The following TLN2 variants were observed in gnomAD, a reference collection of about 807,000 sequenced individuals.
The protein encoded by TLN2 is talin-2.
In TLN2, 118 loss-of-function variants were observed where a neutral mutation model predicts 294.7. The observed-to-expected ratio is 0.40, with a 90% confidence interval of 0.34 to 0.47. The LOEUF is 0.47. Among genes scored for constraint, TLN2 ranks in the 20% least tolerant of loss-of-function variants. The probability of loss-of-function intolerance (pLI) is 0.84; values close to 1 mark genes in which losing one functional copy is unlikely to be tolerated. For missense variants in TLN2, 3,083 were observed against 3,282.2 expected, an observed-to-expected ratio of 0.94 and a Z score of 1.48; for synonymous variants, 1,431 against 1,304.5, an observed-to-expected ratio of 1.10 and a Z score of -2.09.
At position 62,415,576 on chromosome 15, in the gene TLN2, T is replaced by G. The variant is rs1405650893; in HGVS notation, c.-238+24891T>G. 1.4e-4 allele frequency among the ~76,000 whole-genome samples: 14 copies of G among 101,780 alleles called. 3 individuals are homozygous for G. The Admixed American group carries it at 1.4e-3, about 11-fold the overall frequency. The allele number at this position is 101,780 out of a possible 152,430, so 66.8% of individuals were successfully genotyped here. A position where few individuals can be genotyped will look rare whatever the true frequency, so the allele number is the denominator to read the frequency against. ...AGGACAGCTAACAGTGCCCATTCATTTAACCCCTGCTTGCCCCATTCTGGG... is the reference window on the plus strand; with the variant it reads ...AGGACAGCTAACAGTGCCCATTCATGTAACCCCTGCTTGCCCCATTCTGGG... On this transcript the variant is annotated intron_variant, in intron 1 of 58. Transcript: ENST00000636159.
chr15:62,460,002 T>A lies in TLN2; in HGVS notation c.-238+69317T>A, dbSNP rs115991447. On this transcript the variant is annotated intron_variant, in intron 1 of 58. Transcript: ENST00000636159. ...CACGATTGTTACTCCCCCTCTCTGA[T>A]GTGATCCAGGACCTCAGCTCTGTAG... Among the ~76,000 whole-genome samples, 403 of 152,304 alleles carry A rather than the reference T, an allele frequency of 2.6e-3. 4 individuals are homozygous for A. Among genetic ancestry groups the A allele is most frequent in the African/African-American group, 9.2e-3 (383 of 41,566 alleles).
chr15:62,593,457 G>A (rs1327041913), intron 2 of TLN2, among the ~76,000 whole-genome samples: 8 of 152,160 alleles, frequency 5.3e-5, no homozygotes, highest in Middle Eastern at 6.8e-3. Context: ...GGTATAATAG[G>A]GTATGCTGTT....
At chr15:62,463,253 T>C (rs1422780813) in intron 1 of TLN2, among the ~76,000 whole-genome samples, 1 of 152,214 alleles carries the variant, frequency 6.6e-6, no homozygotes, top group Non-Finnish European at 1.5e-5. Flanking sequence ...TTTCTGACCG[T>C]CCGCCCACCT....
At chr15:62,491,729 T>TG (rs1262940131) in intron 1 of TLN2, among the ~76,000 whole-genome samples, 6 of 152,294 alleles carry the variant, frequency 3.9e-5, no homozygotes, top group African/African-American at 9.6e-5. Context: ...ACTTAGTGAT[T>TG]GGGGGGTTCC....
chr15:62,485,420 C>T (rs769201827), intron 1 of TLN2, among the ~76,000 whole-genome samples: 5 of 152,172 alleles, frequency 3.3e-5, no homozygotes, highest in South Asian at 2.1e-4. Flanking sequence ...CGATGCCTGG[C>T]GGTGTGGTCT....
chr15:62,395,654 A>T (rs2032486159), intron 1 of TLN2, among the ~76,000 whole-genome samples: 1 of 152,112 alleles, frequency 6.6e-6, no homozygotes, highest in Non-Finnish European at 1.5e-5. Context: ...CTGTTGTAGG[A>T]TTTTTTTCAG....
chr15:62,605,466 G>A (rs979457387), intron 2 of TLN2, among the ~76,000 whole-genome samples: 1 of 152,182 alleles, frequency 6.6e-6, no homozygotes, highest in African/African-American at 2.4e-5. Flanking sequence ...ATGGGCAAGC[G>A]AATCAGGAAT....
chr15:62,767,485 G>C (rs1187792335), intron 41 of TLN2, among the ~76,000 whole-genome samples: 2 of 152,020 alleles, frequency 1.3e-5, no homozygotes, highest in African/African-American at 4.8e-5. Context: ...GGGATTATAG[G>C]CATGCACCAC....
chr15:62,754,312 C>T (rs2062102867), intron 36 of TLN2: 1 of 154,716 alleles, frequency 6.5e-6, no homozygotes, highest in Non-Finnish European at 1.4e-5. Context: ...ATGACCAGGG[C>T]ACGATGACAG....
intron 3 of TLN2, among the ~76,000 whole-genome samples, chr15:62,628,192 GGT>G (rs1231755641): frequency 6.6e-6 from 1 of 152,322 alleles, no homozygotes; most frequent in African/African-American, 2.4e-5. Flanking sequence ...TTGGTAACAA[GGT>G]GTGGACTATA....
chr15:62,467,493 G>C (rs565417249), intron 1 of TLN2, among the ~76,000 whole-genome samples: 1 of 152,266 alleles, frequency 6.6e-6, no homozygotes, highest in African/African-American at 2.4e-5. Flanking sequence ...AGGAGTTCGA[G>C]ACCAGCCCGG....
intron 44 of TLN2, 98 bp downstream of exon 44, chr15:62,781,339 C>G (rs183519447): frequency 1.1e-6 from 1 of 882,570 alleles, no homozygotes. Flanking sequence ...AGAGAGAGAG[C>G]CCAGACCACT....
chr15:62,644,632 A>T (rs1022958723), intron 3 of TLN2: 3 of 455,382 alleles, frequency 6.6e-6, no homozygotes, highest in Non-Finnish European at 1.3e-5. Context: ...TCTCCTGTGC[A>T]CCTTGCGGAC....
At chr15:62,488,108 A>G (rs2038508761) in intron 1 of TLN2, among the ~76,000 whole-genome samples, 2 of 152,154 alleles carry the variant, frequency 1.3e-5, no homozygotes, top group Admixed American at 1.3e-4. Flanking sequence ...AAAAAAGAAA[A>G]CCACAAACAC....
chr15:62,490,980 T>A (rs2038673312), intron 1 of TLN2, among the ~76,000 whole-genome samples: 1 of 152,142 alleles, frequency 6.6e-6, no homozygotes. Flanking sequence ...CCTGGGTGGT[T>A]GGAGCACAGC....
At chr15:62,737,233 C>T in intron 29 of TLN2, 147 bp downstream of exon 29, 1 of 801,624 alleles carries the variant, frequency 1.2e-6, no homozygotes, top group Middle Eastern at 3.2e-4. Context: ...ACGATGCTGG[C>T]CATACATGAT....
chr15:62,770,942 C>G (rs1187488822), intron 41 of TLN2, 22 bp from the exon 42 acceptor site: 5 of 1,463,058 alleles, frequency 3.4e-6, no homozygotes, highest in Non-Finnish European at 4.5e-6. Flanking sequence ...ACATCTCTGG[C>G]TTTTTTTTTT....
Position 62,841,432 on chromosome 15 carries a change from C to T in TLN2, c.*822C>T, listed in dbSNP as rs536748861. ...TTGACAGTCAGTGGAATGCTCGTCTCCTTAGCGTCCAGGGTGGGGATTCTG... is the reference window on the plus strand; with the variant it reads ...TTGACAGTCAGTGGAATGCTCGTCTTCTTAGCGTCCAGGGTGGGGATTCTG... On this transcript the variant is annotated 3_prime_UTR_variant, in exon 59 of 59. Transcript: ENST00000636159. 1 of 152,242 alleles carries T rather than the reference C, an allele frequency of 6.6e-6. No individual in the cohort carries two copies. The highest frequency in any genetic ancestry group is 6.5e-5 in the Admixed American group (1 of 15,288). 9.4% of individuals were successfully genotyped at this position (152,242 alleles called of 1,614,324 possible).
chr15:62,755,382 G>T, intron 36 of TLN2, 150 bp from the exon 37 acceptor site: 2 of 914,268 alleles, frequency 2.2e-6, no homozygotes, highest in Non-Finnish European at 3.2e-6. Context: ...CTCTTTCTTG[G>T]AGTGACTTTG....
Sources: allele counts gnomAD v4.1 joint callset (sites outside exome capture counted in the v4.1 genomes callset), GRCh38; gene constraint gnomAD v4.1.1; transcripts MANE v1.5; gene names NCBI Gene and HGNC (gene_info 2026-07-23, HGNC 2026-07-21).